The following SEPTIN7 variants were observed in gnomAD, a reference collection of about 807,000 sequenced individuals.
SEPTIN7 encodes septin-7.
SEPTIN7 carries 10 observed loss-of-function variants against 63.3 expected under a neutral mutation model. The observed-to-expected ratio is 0.16, with a 90% CI of 0.10 to 0.27. The LOEUF (loss-of-function observed/expected upper bound fraction) is 0.27, where lower values mean the gene tolerates loss of function less well. Ranked by LOEUF, SEPTIN7 falls within the 10% of genes least tolerant of loss-of-function variation. The probability of loss-of-function intolerance (pLI) is 1.00; values close to 1 mark genes in which losing one functional copy is unlikely to be tolerated. For missense variants in SEPTIN7, 310 were observed against 521.0 expected, an observed-to-expected ratio of 0.59 and a Z score of 3.94; for synonymous variants, 131 against 165.3, an observed-to-expected ratio of 0.79 and a Z score of 1.59.
At chr7:35,913,082 A>G in the SEPTIN7 span, among the ~76,000 whole-genome samples, 2 of 152,188 alleles carry the variant, frequency 1.3e-5, no homozygotes, top group Non-Finnish European at 2.9e-5. Context: ...TGTGATATTC[A>G]GTTAACAATA....
At chr7:35,880,223 C>CTTTTTTTTTTTT in intron 7 of SEPTIN7, among the ~76,000 whole-genome samples, 19 of 72,776 alleles carry the variant, frequency 2.6e-4, no homozygotes, top group East Asian at 1.6e-3. Context: ...TTTTTCTTTT[C>CTTTTTTTTTTTT]TTTTTTTTTT....
At chr7:35,808,483 C>T (rs1382594865) in intron 1 of SEPTIN7, among the ~76,000 whole-genome samples, 3 of 152,152 alleles carry the variant, frequency 2.0e-5, no homozygotes, top group African/African-American at 7.2e-5. Flanking sequence ...TCTGTTTGTG[C>T]TGCTCCAACA....
chr7:35,824,506 T>G (rs1282105092), intron 1 of SEPTIN7, among the ~76,000 whole-genome samples: 2 of 152,208 alleles, frequency 1.3e-5, no homozygotes, highest in Non-Finnish European at 2.9e-5. Flanking sequence ...CCTAGATGTT[T>G]CTAGCATTTC....
Position 35,879,834 on chromosome 7 carries a change from T to G in SEPTIN7, c.524T>G (p.Leu175Trp). The G allele has an allele frequency of 1.3e-6, 2 of 1,572,038 alleles. No individual in the cohort carries two copies. The highest frequency in any genetic ancestry group is 1.7e-6 in the Non-Finnish European group (2 of 1,152,224). The change falls in exon 7 of 14, where the codon TTG becomes TGG. Residue 175 changes from leucine to tryptophan, a missense_variant. Leu to Trp is a moderately conservative substitution (Grantham distance 61). Around this residue, in one of 2 missense-constraint regions of SEPTIN7, gnomAD observed 255 missense variants for 490.5 expected, o/e 0.52. Transcript: ENST00000350320. ...IAPSGHGLKP[L>W]DIEFMKRLHE... ...ACTGTGTATTTCAGACTTAAACCAT[T>G]GGATATTGAGTTTATGAAGCGTTTG... is the stretch of plus-strand genomic sequence containing the variant.
the SEPTIN7 span, among the ~76,000 whole-genome samples, chr7:35,913,532 C>T: frequency 1.4e-5 from 2 of 141,124 alleles, no homozygotes; most frequent in African/African-American, 5.3e-5. Flanking sequence ...TCTTTCTTTC[C>T]TTCCTTCCTT....
chr7:35,823,532 G>T (rs1286718156), intron 1 of SEPTIN7, among the ~76,000 whole-genome samples: 1 of 152,012 alleles, frequency 6.6e-6, no homozygotes, highest in Non-Finnish European at 1.5e-5. Context: ...TTTACTTCCT[G>T]CCTTCCATCC....
chr7:35,833,862 A>G (rs1783951399), intron 3 of SEPTIN7, among the ~76,000 whole-genome samples: 1 of 151,928 alleles, frequency 6.6e-6, no homozygotes, highest in Non-Finnish European at 1.5e-5. Context: ...GAGGTAGAAT[A>G]TTTTATCTAC....
chr7:35,881,591 C>T (rs1481238337), intron 7 of SEPTIN7, among the ~76,000 whole-genome samples: 2 of 149,392 alleles, frequency 1.3e-5, no homozygotes, highest in African/African-American at 4.9e-5. Context: ...CTGTTTACTT[C>T]TGTCTACTAT....
At chr7:35,805,557 A>G (rs1017149987) in intron 1 of SEPTIN7, among the ~76,000 whole-genome samples, 16 of 152,206 alleles carry the variant, frequency 1.1e-4, no homozygotes, top group Admixed American at 1.0e-3. Flanking sequence ...AGGTTAAACT[A>G]TGCTGCAGCA....
At chr7:35,874,680 T>C (rs1286089031) in intron 6 of SEPTIN7, among the ~76,000 whole-genome samples, 2 of 152,246 alleles carry the variant, frequency 1.3e-5, no homozygotes, top group Admixed American at 1.3e-4. Flanking sequence ...TCTTTTACTT[T>C]TTTATAGATA....
Position 35,898,228 on chromosome 7 carries a change from A to G in SEPTIN7, c.999-20A>G. On this transcript the variant is annotated intron_variant, in intron 11 of 13. Transcript: ENST00000350320. ...TTTTATTCACAGACATTTAATGATT[A>G]CCCTTAATATTCGTGACAGGAGCCC... 1.3e-6 allele frequency: 2 copies of G among 1,496,758 alleles called. No homozygotes were observed. Among genetic ancestry groups the G allele is most frequent in the Middle Eastern group, 2.2e-4 (1 of 4,590 alleles). 92.7% of individuals were successfully genotyped at this position (1,496,758 alleles called of 1,614,324 possible). A position where few individuals can be genotyped will look rare whatever the true frequency, so the allele number is the denominator to read the frequency against.
intron 4 of SEPTIN7, among the ~76,000 whole-genome samples, chr7:35,869,718 C>T (rs1006904931): frequency 6.6e-6 from 1 of 152,110 alleles, no homozygotes; most frequent in Non-Finnish European, 1.5e-5. Context: ...ATACTGTATA[C>T]ACTCAGTATT....
intron 13 of SEPTIN7, among the ~76,000 whole-genome samples, chr7:35,903,955 T>C (rs1041674842): frequency 6.6e-6 from 1 of 152,158 alleles, no homozygotes; most frequent in African/African-American, 2.4e-5. Flanking sequence ...CAGTTGATAC[T>C]TTTTAGTTTG....
chr7:35,814,718 G>A (rs1788938307), intron 1 of SEPTIN7, among the ~76,000 whole-genome samples: 1 of 151,926 alleles, frequency 6.6e-6, no homozygotes, highest in Admixed American at 6.6e-5. Context: ...GCTCATGCCT[G>A]TAATCCCAGC....
intron 3 of SEPTIN7, among the ~76,000 whole-genome samples, chr7:35,859,651 C>T (rs1370317155): frequency 7.2e-5 from 11 of 152,076 alleles, no homozygotes; most frequent in Admixed American, 3.9e-4. Context: ...CCAATCTTTG[C>T]GTTACATAAT....
At chr7:35,913,789 C>A in the SEPTIN7 span, among the ~76,000 whole-genome samples, 1 of 152,070 alleles carries the variant, frequency 6.6e-6, no homozygotes, top group African/African-American at 2.4e-5. Flanking sequence ...AGGATTTCAC[C>A]ACATTGCCTA....
intron 1 of SEPTIN7, among the ~76,000 whole-genome samples, chr7:35,814,646 A>C (rs1050503408): frequency 1.3e-5 from 2 of 151,828 alleles, no homozygotes; most frequent in African/African-American, 4.8e-5. Flanking sequence ...CTGTTACATG[A>C]TTTTCTGTTT....
chr7:35,913,432 T>G, the SEPTIN7 span, among the ~76,000 whole-genome samples: 14 of 152,126 alleles, frequency 9.2e-5, no homozygotes, highest in Non-Finnish European at 1.9e-4. Flanking sequence ...TTTCTCTCTC[T>G]TTCTTTCTTT....
intron 3 of SEPTIN7, among the ~76,000 whole-genome samples, chr7:35,839,364 T>A (rs1030127068): frequency 1.3e-5 from 2 of 152,218 alleles, no homozygotes; most frequent in African/African-American, 4.8e-5. Flanking sequence ...TACCATTGCT[T>A]CATCATTTGA....
Sources: allele counts gnomAD v4.1 joint callset (sites outside exome capture counted in the v4.1 genomes callset), GRCh38; gene constraint gnomAD v4.1.1; regional missense constraint gnomAD v4.1.1; transcripts MANE v1.5; gene names NCBI Gene and HGNC (gene_info 2026-07-23, HGNC 2026-07-21).